RNF13: variants seen among roughly 807,000 people sequenced by gnomAD.
The protein encoded by RNF13 is ring finger protein 13.
A neutral mutation model predicts 37.7 loss-of-function variants in RNF13; 19 were observed. That is an observed-to-expected ratio of 0.50 (90% CI 0.35 to 0.74). The LOEUF is 0.74. Among genes scored for constraint, RNF13 ranks in the 30% least tolerant of loss-of-function variants. The pLI is 0.01. For synonymous variants in RNF13, 144 were observed against 157.8 expected, an observed-to-expected ratio of 0.91 and a Z score of 0.65; for missense variants, 375 against 453.0, an observed-to-expected ratio of 0.83 and a Z score of 1.56.
chr3:149,893,574 G>A (rs1317433318), intron 4 of RNF13, among the ~76,000 whole-genome samples: 3 of 152,172 alleles, frequency 2.0e-5, no homozygotes, highest in Admixed American at 6.5e-5. Context: ...GCCAAGTGAA[G>A]TCTGTACTGC....
At chr3:149,955,456 G>GT (rs1298524625) in intron 8 of RNF13, among the ~76,000 whole-genome samples, 2 of 151,920 alleles carry the variant, frequency 1.3e-5, no homozygotes, top group African/African-American at 4.8e-5. Context: ...TTATCCTGTT[G>GT]TATTTTGTTG....
At chr3:149,865,521 A>G (rs997992993) in intron 3 of RNF13, among the ~76,000 whole-genome samples, 10 of 151,984 alleles carry the variant, frequency 6.6e-5, no homozygotes, top group African/African-American at 2.4e-4. Context: ...GATGAAGTGC[A>G]GTGGTGTGAT....
intron 8 of RNF13, among the ~76,000 whole-genome samples, chr3:149,944,434 A>G (rs1160937787): frequency 6.6e-6 from 1 of 152,156 alleles, no homozygotes; most frequent in Non-Finnish European, 1.5e-5. Context: ...AGTCCCACCA[A>G]CAGAGTAAAA....
chr3:149,879,138 G>A (rs1713084671), intron 4 of RNF13, among the ~76,000 whole-genome samples: 2 of 152,024 alleles, frequency 1.3e-5, no homozygotes, highest in Non-Finnish European at 1.5e-5. Flanking sequence ...TCACCTTTTT[G>A]TGTTTTGAAA....
At chr3:149,926,796 T>C (rs1300547680) in intron 8 of RNF13, among the ~76,000 whole-genome samples, 2 of 152,204 alleles carry the variant, frequency 1.3e-5, no homozygotes, top group Non-Finnish European at 2.9e-5. Context: ...CTTGGTTTTA[T>C]TGTTTAACCG....
intron 4 of RNF13, among the ~76,000 whole-genome samples, chr3:149,882,634 A>AT (rs1713561203): frequency 6.6e-6 from 1 of 152,138 alleles, no homozygotes; most frequent in Non-Finnish European, 1.5e-5. Flanking sequence ...TGAAACATGA[A>AT]TTTTCACAAA....
At chr3:149,837,975 A>G (rs1721797760) in intron 1 of RNF13, among the ~76,000 whole-genome samples, 1 of 152,234 alleles carries the variant, frequency 6.6e-6, no homozygotes, top group Non-Finnish European at 1.5e-5. Flanking sequence ...GGGTACAGGC[A>G]TTGTGTAAAT....
At chr3:149,913,346 C>G (rs1717179690) in intron 7 of RNF13, among the ~76,000 whole-genome samples, 1 of 152,010 alleles carries the variant, frequency 6.6e-6, no homozygotes, top group South Asian at 2.1e-4. Flanking sequence ...TTTTATTAAA[C>G]ATTTAATTTT....
chr3:149,912,273 C>T (rs543384341), intron 7 of RNF13, among the ~76,000 whole-genome samples, 190 bp downstream of exon 7: 5 of 151,936 alleles, frequency 3.3e-5, no homozygotes, highest in East Asian at 1.9e-4. Context: ...TTTCCTCTGC[C>T]GCGGGGGGTT....
chr3:149,825,844 T>C (rs965689249), intron 1 of RNF13, among the ~76,000 whole-genome samples: 5 of 152,224 alleles, frequency 3.3e-5, no homozygotes, highest in African/African-American at 1.2e-4. Flanking sequence ...AGTTCTGATA[T>C]ATTTATATAA....
intron 3 of RNF13, among the ~76,000 whole-genome samples, chr3:149,859,926 A>T (rs1214515624): frequency 6.6e-6 from 1 of 152,082 alleles, no homozygotes; most frequent in East Asian, 1.9e-4. Flanking sequence ...AGAAATCCTG[A>T]ACAAAAAGAA....
intron 5 of RNF13, among the ~76,000 whole-genome samples, chr3:149,896,817 T>C (rs1201596548): frequency 6.6e-6 from 1 of 152,104 alleles, no homozygotes; most frequent in African/African-American, 2.4e-5. Context: ...TGAGGCAAAA[T>C]TATAATATGT....
chr3:149,866,551 T>G (rs1711497049), intron 3 of RNF13, among the ~76,000 whole-genome samples: 1 of 152,208 alleles, frequency 6.6e-6, no homozygotes, highest in Non-Finnish European at 1.5e-5. Flanking sequence ...ACCTCTTATC[T>G]CATTCTGTGA....
At chr3:149,960,366 C>T (rs1722271768) in intron 9 of RNF13, among the ~76,000 whole-genome samples, 1 of 151,980 alleles carries the variant, frequency 6.6e-6, no homozygotes, top group Non-Finnish European at 1.5e-5. Context: ...CCGAGGCAGG[C>T]AGATCATGAG....
At chr3:149,841,849 G>A (rs181274300) in intron 1 of RNF13, among the ~76,000 whole-genome samples, 1 of 152,072 alleles carries the variant, frequency 6.6e-6, no homozygotes, top group East Asian at 1.9e-4. Flanking sequence ...AGGCTAGTCT[G>A]GAACTCCTGA....
chr3:149,826,729 A>G (rs1415483570), intron 1 of RNF13, among the ~76,000 whole-genome samples: 1 of 152,198 alleles, frequency 6.6e-6, no homozygotes, highest in Non-Finnish European at 1.5e-5. Flanking sequence ...AGCTTACATG[A>G]TTCAGCAAAT....
intron 1 of RNF13, among the ~76,000 whole-genome samples, chr3:149,833,016 C>A (rs771148831): frequency 6.6e-6 from 1 of 151,808 alleles, no homozygotes; most frequent in Non-Finnish European, 1.5e-5. Flanking sequence ...CACCTCCTAA[C>A]TTATTCTAAG....
chr3:149,908,673 G>A (rs568269313), intron 6 of RNF13, among the ~76,000 whole-genome samples: 2 of 152,308 alleles, frequency 1.3e-5, no homozygotes, highest in East Asian at 1.9e-4. Context: ...CAGCAGTTGG[G>A]CTGAATACAG....
Position 149,853,015 on chromosome 3 carries a change from G to A in RNF13, c.195+419G>A, listed in dbSNP as rs923805542. Among the ~76,000 whole-genome samples, 11 of 151,748 alleles carry A rather than the reference G, an allele frequency of 7.2e-5. No homozygotes were observed. The East Asian group carries it at 7.7e-4, about 11-fold the overall frequency. ...CCTTTTTCTTTTAATTGTATGTTTT[G>A]ATCATGTTTTTTCATGCTGATAGGT... is the stretch of plus-strand genomic sequence containing the variant. On this transcript the variant is annotated intron_variant, in intron 3 of 9. Coordinates refer to ENST00000392894, the MANE Select transcript of RNF13 (RefSeq NM_183381.3).
Sources: gnomAD v4.1 joint callset for allele counts (sites outside exome capture counted in the v4.1 genomes callset) on GRCh38, gnomAD v4.1.1 for gene constraint, MANE v1.5 for transcripts, NCBI Gene and HGNC (gene_info 2026-07-23, HGNC 2026-07-21) for gene names.